Variants in GOLIM4 observed in about 807,000 individuals in gnomAD.
The protein encoded by GOLIM4 is 130 kDa golgi-localized phosphoprotein.
GOLIM4 carries 71 observed loss-of-function variants against 107.4 expected under a neutral mutation model. The observed-to-expected ratio is 0.66, with a 90% CI of 0.55 to 0.81. GOLIM4 has a LOEUF of 0.81. GOLIM4 is among the 30% of genes least tolerant of loss of function. GOLIM4 has a pLI of 0.00. For synonymous variants in GOLIM4, 327 were observed against 294.8 expected, an observed-to-expected ratio of 1.11 and a Z score of -1.12; for missense variants, 830 against 826.1, an observed-to-expected ratio of 1.00 and a Z score of -0.06.
At chr3:168,036,686 T>C (rs1328202574) in intron 8 of GOLIM4, 150 bp downstream of exon 8, 2 of 588,654 alleles carry the variant, frequency 3.4e-6, no homozygotes, top group African/African-American at 3.7e-5. Flanking sequence ...GTAATCTGTG[T>C]TTTATCACGC....
chr3:168,021,437 G>A (rs2108216856), intron 14 of GOLIM4, among the ~76,000 whole-genome samples: 1 of 152,248 alleles, frequency 6.6e-6, no homozygotes, highest in South Asian at 2.1e-4. Flanking sequence ...AGGCAGAGGT[G>A]GGAGGATCAC....
chr3:168,069,488 T>C (rs1486408187), intron 1 of GOLIM4, among the ~76,000 whole-genome samples: 1 of 152,236 alleles, frequency 6.6e-6, no homozygotes, highest in Non-Finnish European at 1.5e-5. Context: ...TAATTGATTT[T>C]CCTTCATTTT....
At chr3:168,011,052 G>A (rs960776392) in intron 14 of GOLIM4, among the ~76,000 whole-genome samples, 16 of 152,182 alleles carry the variant, frequency 1.1e-4, no homozygotes, top group African/African-American at 1.4e-4. Context: ...CAAGATGGCC[G>A]AATAGGAACA....
Position 168,054,076 on chromosome 3 carries a change from T to C in GOLIM4, c.188-5711A>G, listed in dbSNP as rs150914872. ...TCTGCATCCATCTTCAAAATTTAAC[T>C]ACAACCTCTCACAGATGACTCCCAA... On this transcript the variant is annotated intron_variant, in intron 1 of 15. Transcript: ENST00000470487. Among the ~76,000 whole-genome samples the C allele has an allele frequency of 1.3e-3, 194 of 152,338 alleles. 1 individual carries two copies. In the East Asian group the frequency reaches 0.014, roughly 11 times the overall value.
At chr3:168,021,913 G>A (rs1039908865) in intron 14 of GOLIM4, among the ~76,000 whole-genome samples, 10 of 152,038 alleles carry the variant, frequency 6.6e-5, no homozygotes, top group Admixed American at 1.3e-4. Flanking sequence ...AAGCTTACAC[G>A]GCACTTTTTG....
At chr3:168,060,151 A>C (rs1720184225) in intron 1 of GOLIM4, among the ~76,000 whole-genome samples, 1 of 151,074 alleles carries the variant, frequency 6.6e-6, no homozygotes, top group South Asian at 2.1e-4. Context: ...CCTAGGCTGG[A>C]CATGAACTCT....
intron 10 of GOLIM4, 35 bp downstream of exon 10, chr3:168,029,745 G>T: frequency 6.2e-7 from 1 of 1,604,586 alleles, no homozygotes; most frequent in Non-Finnish European, 8.5e-7. Flanking sequence ...CTGGAGCAGG[G>T]GCTGTCTTCG....
chr3:168,036,316 G>A (rs1254290255), intron 8 of GOLIM4, among the ~76,000 whole-genome samples: 4 of 152,122 alleles, frequency 2.6e-5, no homozygotes, highest in South Asian at 2.1e-4. Context: ...CAAGGCGGGC[G>A]GATCACCTGA....
chr3:168,094,834 C>T (rs547619333), intron 1 of GOLIM4, among the ~76,000 whole-genome samples: 1 of 152,326 alleles, frequency 6.6e-6, no homozygotes, highest in African/African-American at 2.4e-5. Context: ...ACTATCTGTG[C>T]ACCCGCCCAC....
At chr3:168,056,004 G>A (rs984841057) in intron 1 of GOLIM4, among the ~76,000 whole-genome samples, 75 of 152,194 alleles carry the variant, frequency 4.9e-4, no homozygotes, top group African/African-American at 1.7e-3. Context: ...AAGACAATTC[G>A]GAAAATGTCT....
At position 168,027,755 on chromosome 3, in the gene GOLIM4, T is replaced by G; in HGVS notation, c.1596A>C (p.Arg532=). The G allele has an allele frequency of 6.2e-7, 1 of 1,611,826 alleles. No homozygotes were observed. The highest frequency in any genetic ancestry group is 8.5e-7 in the Non-Finnish European group (1 of 1,177,930). The part of the protein sequence containing the change: ...NRHEPREQGP[R]EADPESEADR... ...CTGCCTCAGATTCTGGGTCGGCTTC[T>G]CGGGGTCCTTGTTCACGAGGCTCAT... Residue 532 remains arginine, a synonymous_variant, in exon 12 of 16, where the codon CGA becomes CGC. Transcript: ENST00000470487.
At chr3:168,017,814 C>T (rs1244739943) in intron 14 of GOLIM4, among the ~76,000 whole-genome samples, 1 of 151,788 alleles carries the variant, frequency 6.6e-6, no homozygotes, top group Non-Finnish European at 1.5e-5. Context: ...TATTGAACTG[C>T]CTCAAAAATT....
chr3:168,044,890 C>CAAAAA lies in GOLIM4; in HGVS notation c.313-14_313-10dup, dbSNP rs57702503. 2.4e-6 allele frequency: 3 copies of CAAAAA among 1,268,094 alleles called. No homozygotes were observed. The highest frequency in any genetic ancestry group is 3.3e-6 in the Non-Finnish European group (3 of 922,312). 78.6% of individuals were successfully genotyped at this position (1,268,094 alleles called of 1,614,324 possible). A position where few individuals can be genotyped will look rare whatever the true frequency, so the allele number is the denominator to read the frequency against. Reference sequence around the variant, plus strand: ...CTGCTATTGGAATCTTGCTGTAAATCAAAAAAAAAAAAGAAAACACAAAGA... The same window carrying CAAAAA: ...CTGCTATTGGAATCTTGCTGTAAATCAAAAAAAAAAAAAAAAAGAAAACACAAAGA... On this transcript the variant is annotated splice_polypyrimidine_tract_variant and intron_variant, in intron 3 of 15. Transcript: ENST00000470487.
chr3:168,023,504 G>A (rs1040503505), intron 14 of GOLIM4, among the ~76,000 whole-genome samples: 7 of 152,194 alleles, frequency 4.6e-5, no homozygotes, highest in African/African-American at 7.2e-5. Flanking sequence ...CAAGAAAGCA[G>A]ACCTAGTCGA....
chr3:168,034,746 G>T (rs1718539812), intron 8 of GOLIM4, among the ~76,000 whole-genome samples: 1 of 152,128 alleles, frequency 6.6e-6, no homozygotes, highest in Admixed American at 6.5e-5. Context: ...CAATCATGGG[G>T]TCAAGTCTTT....
intron 8 of GOLIM4, among the ~76,000 whole-genome samples, chr3:168,036,366 C>A (rs1237401476): frequency 2.6e-5 from 4 of 152,128 alleles, no homozygotes; most frequent in Non-Finnish European, 4.4e-5. Context: ...CATAGCGAAA[C>A]CCTGTCTCTA....
chr3:168,074,613 T>C (rs1015985886), intron 1 of GOLIM4, among the ~76,000 whole-genome samples: 8 of 152,178 alleles, frequency 5.3e-5, no homozygotes, highest in African/African-American at 1.7e-4. Flanking sequence ...CATTACTTAA[T>C]TTATATGTTA....
intron 1 of GOLIM4, among the ~76,000 whole-genome samples, chr3:168,073,214 T>A (rs993469095): frequency 1.3e-5 from 2 of 152,248 alleles, no homozygotes; most frequent in Non-Finnish European, 2.9e-5. Flanking sequence ...ATGATCCGTA[T>A]CATAGTCTGC....
At position 168,044,859 on chromosome 3, in the gene GOLIM4, C is replaced by A; in HGVS notation, c.335G>T (p.Ser112Ile). Residue 112 changes from serine (S) to isoleucine (I), a missense_variant, in exon 4 of 16, where the codon AGT becomes ATT. Ser to Ile is a moderately radical substitution (Grantham distance 142). Coordinates refer to ENST00000470487, the MANE Select transcript of GOLIM4 (RefSeq NM_014498.5). The part of the protein sequence containing the change: ...KGRQDSNSRY[S>I]ALNVQHQMLK... ...CATCTGATGTTGGACATTCAGTGCA[C>A]TGTATCTGCTATTGGAATCTTGCTG... 6.4e-7 allele frequency: 1 copy of A among 1,557,510 alleles called. No homozygotes were observed. The highest frequency in any genetic ancestry group is 8.7e-7 in the Non-Finnish European group (1 of 1,147,908).
Sources: gnomAD v4.1 joint callset for allele counts (sites outside exome capture counted in the v4.1 genomes callset) on GRCh38, gnomAD v4.1.1 for gene constraint, MANE v1.5 for transcripts, NCBI Gene and HGNC (gene_info 2026-07-23, HGNC 2026-07-21) for gene names.